Variants in SLC12A6 observed in about 807,000 individuals in gnomAD.
SLC12A6 encodes the protein solute carrier family 12 member 6, also known as K-Cl cotransporter 3.
A neutral mutation model predicts 135.3 loss-of-function variants in SLC12A6; 66 were observed. The ratio of observed to expected loss-of-function variants is 0.49; its 90% CI spans 0.40 to 0.60. The LOEUF is 0.60. Ranked by LOEUF, SLC12A6 falls within the 20% of genes least tolerant of loss-of-function variation. SLC12A6 has a pLI of 0.00. For synonymous variants in SLC12A6, 513 were observed against 508.8 expected, an observed-to-expected ratio of 1.01 and a Z score of -0.11; for missense variants, 1,058 against 1,452.3, an observed-to-expected ratio of 0.73 and a Z score of 4.41.
intron 2 of SLC12A6, among the ~76,000 whole-genome samples, chr15:34,321,216 T>A (rs1889067935): frequency 6.6e-6 from 1 of 152,218 alleles, no homozygotes. Context: ...AAATTTTATT[T>A]CATTGGTTCT....
At chr15:34,318,705 T>C (rs1888831467) in intron 2 of SLC12A6, 2 of 1,612,988 alleles carry the variant, frequency 1.2e-6, no homozygotes, top group Admixed American at 1.7e-5. Context: ...TACTTTGCTC[T>C]TTCTGTATTT....
chr15:34,229,901 CA>C lies in SLC12A6; in HGVS notation c.*3979del. On this transcript the variant is annotated 3_prime_UTR_variant, in exon 26 of 26. Transcript: ENST00000354181. ...ACTAATCACTTATGTTAAAAAGAAC[CA>C]AAAGACTCTTTTCTCCATGGTGGGG... The C allele has an allele frequency of 1.0e-6, 1 of 1,003,338 alleles. No individual in the cohort carries two copies. The highest frequency in any genetic ancestry group is 1.9e-5 in the Admixed American group (1 of 52,960). 62.2% of individuals were successfully genotyped at this position (1,003,338 alleles called of 1,614,324 possible). A position where few individuals can be genotyped will look rare whatever the true frequency, so the allele number is the denominator to read the frequency against.
At chr15:34,288,714 G>A (rs190473481) in intron 2 of SLC12A6, among the ~76,000 whole-genome samples, 144 of 152,232 alleles carry the variant, frequency 9.5e-4, no homozygotes, top group African/African-American at 3.3e-3. Flanking sequence ...CTTGTAAGTT[G>A]GATTCCTAGG....
chr15:34,255,678 A>G (rs1483115681), intron 7 of SLC12A6, among the ~76,000 whole-genome samples: 1 of 152,142 alleles, frequency 6.6e-6, no homozygotes, highest in Non-Finnish European at 1.5e-5. Context: ...CAGCCCAATA[A>G]AATATATTCT....
intron 3 of SLC12A6, among the ~76,000 whole-genome samples, chr15:34,272,655 T>G (rs576514646): frequency 9.9e-5 from 15 of 152,190 alleles, no homozygotes; most frequent in Non-Finnish European, 1.9e-4. Flanking sequence ...GCAAATACTA[T>G]TAGAATTTTT....
rs1891624909 is a variant in SLC12A6 at position 34,241,308 on chromosome 15, C to T, written c.2192G>A (p.Arg731His). The T allele has an allele frequency of 2.5e-6, 4 of 1,603,588 alleles. No individual in the cohort carries two copies. The highest frequency in any genetic ancestry group is 3.4e-6 in the Non-Finnish European group (4 of 1,170,464). The change falls in exon 18 of 26, where the codon CGT becomes CAT. Residue 731 changes from arginine to histidine, a missense_variant. Arg to His is a conservative substitution (Grantham distance 29, BLOSUM62 0). This residue lies in a region of SLC12A6 where 170 missense variants were observed against 297.6 expected (regional missense o/e 0.57). Transcript: ENST00000354181. ...CCGGGCTGCACTGAGGGACAGCCCACGGATACCATCACCCCATTCTTTCTC... is the reference window on the plus strand; with the variant it reads ...CCGGGCTGCACTGAGGGACAGCCCATGGATACCATCACCCCATTCTTTCTC... ...GAEKEWGDGI[R>H]GLSLSAARFA...
intron 16 of SLC12A6, among the ~76,000 whole-genome samples, chr15:34,242,996 C>T (rs150146877): frequency 0.1 from 15,349 of 152,138 alleles, 883 homozygotes; most frequent in South Asian, 0.15. Flanking sequence ...CGGGTTCAAG[C>T]GATTCTCCTA....
At chr15:34,307,288 C>T (rs1362712586) in intron 2 of SLC12A6, among the ~76,000 whole-genome samples, 2 of 152,156 alleles carry the variant, frequency 1.3e-5, no homozygotes, top group Non-Finnish European at 2.9e-5. Flanking sequence ...AGGTAACAGA[C>T]ATGAACAGGA....
intron 4 of SLC12A6, among the ~76,000 whole-genome samples, chr15:34,260,448 C>T (rs930660691): frequency 3.2e-4 from 48 of 151,630 alleles, no homozygotes; most frequent in African/African-American, 1.1e-3. Flanking sequence ...TTAGTAGAGA[C>T]GGGGTTTCAC....
At chr15:34,264,200 A>G (rs1356362647) in intron 3 of SLC12A6, among the ~76,000 whole-genome samples, 1 of 152,242 alleles carries the variant, frequency 6.6e-6, no homozygotes, top group Admixed American at 6.5e-5. Flanking sequence ...TGTTAAAACC[A>G]TTAGGTGAAA....
At chr15:34,316,886 C>T (rs1255771184) in intron 2 of SLC12A6, among the ~76,000 whole-genome samples, 2 of 152,118 alleles carry the variant, frequency 1.3e-5, no homozygotes, top group African/African-American at 4.8e-5. Context: ...AGATGGACTT[C>T]GTTTGCAGCT....
chr15:34,287,732 T>C (rs1215915127), intron 2 of SLC12A6, among the ~76,000 whole-genome samples: 1 of 152,242 alleles, frequency 6.6e-6, no homozygotes, highest in Non-Finnish European at 1.5e-5. Flanking sequence ...TGACCAGTGA[T>C]GATGAGCATT....
chr15:34,254,615 A>G, intron 8 of SLC12A6, 26 bp from the exon 9 acceptor site: 1 of 1,559,674 alleles, frequency 6.4e-7, no homozygotes, highest in East Asian at 2.2e-5. Context: ...AAAGGAGAAA[A>G]TTAGGTTATT....
chr15:34,283,667 G>A (rs769993526), intron 2 of SLC12A6, among the ~76,000 whole-genome samples: 17 of 151,982 alleles, frequency 1.1e-4, no homozygotes, highest in Non-Finnish European at 2.4e-4. Flanking sequence ...GGGTAAATTA[G>A]GTAGGCACTA....
At chr15:34,264,523 A>G (rs1893361815) in intron 3 of SLC12A6, among the ~76,000 whole-genome samples, 1 of 152,244 alleles carries the variant, frequency 6.6e-6, no homozygotes. Flanking sequence ...TAAACTTAAA[A>G]GGTGAACTTT....
rs779167922 is a variant in SLC12A6 at position 34,229,871 on chromosome 15, C to T, written c.*4010G>A. The T allele has an allele frequency of 6.6e-5, 84 of 1,264,070 alleles. No individual in the cohort carries two copies. The highest frequency in any genetic ancestry group is 9.6e-5 in the Non-Finnish European group (83 of 862,334). The allele number at this position is 1,264,070 out of a possible 1,614,324, so 78.3% of individuals were successfully genotyped here. ...AAGCCCAGTGGCTCCTCAGCATACTCTTAAACTAATCACTTATGTTAAAAA... is the reference window on the plus strand; with the variant it reads ...AAGCCCAGTGGCTCCTCAGCATACTTTTAAACTAATCACTTATGTTAAAAA... On this transcript the variant is annotated 3_prime_UTR_variant, in exon 26 of 26. Transcript: ENST00000354181.
rs1199106854 is a variant in SLC12A6 at position 34,236,002 on chromosome 15, T to C, written c.3227+13A>G. ...GGTAATTTTATGATAAACTTGGGAG[T>C]GGGAAAACTTACGGACGCATGTTAA... On this transcript the variant is annotated intron_variant, in intron 24 of 25. Transcript: ENST00000354181. 6.2e-7 allele frequency: 1 copy of C among 1,606,492 alleles called. No homozygotes were observed. Among genetic ancestry groups the C allele is most frequent in the East Asian group, 2.2e-5 (1 of 44,850 alleles).
At chr15:34,321,988 G>C (rs1440416461) in intron 2 of SLC12A6, among the ~76,000 whole-genome samples, 1 of 152,204 alleles carries the variant, frequency 6.6e-6, no homozygotes, top group East Asian at 1.9e-4. Flanking sequence ...CTGGGACTGG[G>C]CCTGAAAGAA....
rs75990860 is a variant in SLC12A6, at chr15:34,300,612, C to T, written c.272-25223G>A. ...AGACCAGGCTGGAAAACATAGAAGA[C>T]TCTGTCTCCACACACACCCAAAAGT... On this transcript the variant is annotated intron_variant, in intron 2 of 25. Transcript: ENST00000354181. 5.9e-3 allele frequency among the ~76,000 whole-genome samples: 897 copies of T among 151,894 alleles called. 15 individuals carry two copies. Among genetic ancestry groups the T allele is most frequent in the African/African-American group, 0.02 (845 of 41,378 alleles).
Sources: gnomAD v4.1 joint callset for allele counts (sites outside exome capture counted in the v4.1 genomes callset) on GRCh38, gnomAD v4.1.1 for gene constraint, gnomAD v4.1.1 regional missense constraint, MANE v1.5 for transcripts, NCBI Gene and HGNC (gene_info 2026-07-23, HGNC 2026-07-21) for gene names.